INKA2: variants seen among roughly 807,000 people sequenced by gnomAD.
INKA2 encodes the protein inka box actin regulator 2, also known as PAK4-inhibitor INKA2.
INKA2 carries 3 observed loss-of-function variants against 9.8 expected under a neutral mutation model. The ratio of observed to expected loss-of-function variants is 0.31; its 90% CI spans 0.14 to 0.79. The LOEUF is 0.79. INKA2 is among the 30% of genes least tolerant of loss of function. The pLI is 0.62. For synonymous variants in INKA2, 147 were observed against 143.3 expected (o/e 1.03, Z -0.18); for missense variants, 392 against 384.4 (o/e 1.02, Z -0.17).
chr1:111,731,286 C>T (rs899353840), intron 1 of INKA2, among the ~76,000 whole-genome samples: 3 of 151,994 alleles, frequency 2.0e-5, no homozygotes, highest in Non-Finnish European at 4.4e-5. Flanking sequence ...AAGTTCAAAT[C>T]TCAGTTCTGC....
upstream of INKA2, among the ~76,000 whole-genome samples, chr1:111,742,794 A>G (rs1013801649): frequency 1.3e-5 from 2 of 152,280 alleles, no homozygotes; most frequent in African/African-American, 4.8e-5. Flanking sequence ...CTGAGGTGGT[A>G]TCACTGTGTG....
chr1:111,743,234 A>G (rs1255102275), upstream of INKA2, among the ~76,000 whole-genome samples: 4 of 152,144 alleles, frequency 2.6e-5, no homozygotes, highest in Non-Finnish European at 5.9e-5. Context: ...AGGTTATCTC[A>G]TTCGAAAATA....
intron 1 of INKA2, chr1:111,754,416 C>T (rs1216563721): frequency 6.6e-6 from 1 of 152,188 alleles, no homozygotes; most frequent in African/African-American, 2.4e-5. Flanking sequence ...TCTAGACCAT[C>T]ACTGTGTGTG....
At position 111,751,661 on chromosome 1, in the gene INKA2, T is replaced by C. The variant is rs540074114; in HGVS notation, n.124+4040A>G. 1.3e-3 allele frequency among the ~76,000 whole-genome samples: 202 copies of C among 152,342 alleles called. 4 individuals are homozygous for C. Among genetic ancestry groups the C allele is most frequent in the Non-Finnish European group, 1.1e-3 (72 of 68,026 alleles). ...CACCAACCTGGCCTACACTTCACTC[T>C]CCTGCTCATCAAAGCTTACTGTCCC... On this transcript the variant is annotated intron_variant and non_coding_transcript_variant, in intron 1 of 1. Transcript: ENST00000444059.
chr1:111,749,156 G>C (rs778364911), intron 1 of INKA2, among the ~76,000 whole-genome samples: 2 of 152,188 alleles, frequency 1.3e-5, no homozygotes, highest in Admixed American at 6.5e-5. Context: ...AGGAAACTGG[G>C]GTGGAGGGTG....
rs1379547464 is a variant in INKA2 at position 111,745,279 on chromosome 1, ATATATATATATATATTTTT to A, written n.124+10403_124+10421del. 6.9e-5 allele frequency: 3 copies of A among 43,670 alleles called. No individual in the cohort carries two copies. The Admixed American group carries it at 7.9e-4, about 11-fold the overall frequency. The allele number at this position is 43,670 out of a possible 1,614,324, so 2.7% of individuals were successfully genotyped here. A position where few individuals can be genotyped will look rare whatever the true frequency, so the allele number is the denominator to read the frequency against. ...ACACAGAGATATTATATATATATAT[ATATATATATATATATTTTT>A]TTTTTTTTTTTTTTTTGAGACAGGG... On this transcript the variant is annotated intron_variant and non_coding_transcript_variant, in intron 1 of 1. Transcript: ENST00000444059.
intron 1 of INKA2, among the ~76,000 whole-genome samples, chr1:111,748,422 A>G (rs1277403464): frequency 6.6e-6 from 1 of 152,218 alleles, no homozygotes; most frequent in Admixed American, 6.5e-5. Flanking sequence ...AAGTATGCAA[A>G]GGCCCTTTGA....
chr1:111,738,783 C>G lies in INKA2; in HGVS notation c.57+403G>C, dbSNP rs561616236. ...CCGCGCTCCAGGTCGCCCCGCGCAG[C>G]CCCGCACCCAGGCGCCCGCGTCCCG... On this transcript the variant is annotated intron_variant, in intron 1 of 1. Coordinates refer to ENST00000357260, the MANE Select transcript of INKA2 (RefSeq NM_019099.5). 1.7e-3 allele frequency among the ~76,000 whole-genome samples: 259 copies of G among 152,278 alleles called. 1 individual carries two copies. The highest frequency in any genetic ancestry group is 6.8e-3 in the Middle Eastern group (2 of 294).
At chr1:111,751,197 G>A (rs1320411964) in intron 1 of INKA2, among the ~76,000 whole-genome samples, 1 of 152,224 alleles carries the variant, frequency 6.6e-6, no homozygotes, top group Non-Finnish European at 1.5e-5. Context: ...ATGTGCAGTT[G>A]TTCTCTCATA....
upstream of INKA2, among the ~76,000 whole-genome samples, chr1:111,743,455 C>T (rs1242621865): frequency 6.6e-6 from 1 of 152,164 alleles, no homozygotes; most frequent in Non-Finnish European, 1.5e-5. Context: ...GGGAAGGTGG[C>T]CCCCTTTGTC....
At chr1:111,743,418 T>G (rs1363964286), upstream of INKA2, among the ~76,000 whole-genome samples, 3 of 152,178 alleles carry the variant, frequency 2.0e-5, no homozygotes, top group East Asian at 5.8e-4. Flanking sequence ...CTGTCAACTC[T>G]TGGGACTTGA....
In INKA2 at chr1:111,727,642, A is replaced by G; in HGVS notation, c.220T>C (p.Cys74Arg). The G allele has an allele frequency of 6.2e-7, 1 of 1,608,874 alleles. No individual in the cohort carries two copies. The highest frequency in any genetic ancestry group is 8.5e-7 in the Non-Finnish European group (1 of 1,177,056). Residue 74 changes from cysteine to arginine, a missense_variant, in exon 2 of 2, where the codon TGC becomes CGC. Coordinates refer to ENST00000357260, the MANE Select transcript of INKA2 (RefSeq NM_019099.5). Reference protein sequence around the residue: ...PGSPEGPRTQCEHPCWEGGRG... With the variant: ...PGSPEGPRTQREHPCWEGGRG... Reference sequence around the variant, plus strand: ...CCACCCTCCCAACAAGGGTGCTCGCACTGGGTCCTGGGACCTTCAGGGCTG... The same window carrying G: ...CCACCCTCCCAACAAGGGTGCTCGCGCTGGGTCCTGGGACCTTCAGGGCTG...
At chr1:111,751,511 G>A (rs947942210) in intron 1 of INKA2, among the ~76,000 whole-genome samples, 4 of 152,222 alleles carry the variant, frequency 2.6e-5, no homozygotes, top group Non-Finnish European at 4.4e-5. Flanking sequence ...ATAGATCTGA[G>A]TTCCAATCCC....
chr1:111,736,124 G>T (rs1663003328), intron 1 of INKA2, among the ~76,000 whole-genome samples: 1 of 152,194 alleles, frequency 6.6e-6, no homozygotes, highest in South Asian at 2.1e-4. Context: ...CCCCTCTTTG[G>T]CGGCTGGAGG....
Position 111,755,751 on chromosome 1 carries a change from A to AT in INKA2, n.73dup, listed in dbSNP as rs893017418. ...CCTCTTGGGGCTTTCCTCAGGCCACATTTTTTGTGTGTCTGGGCAGTCTCT... is the reference window on the plus strand; with the variant it reads ...CCTCTTGGGGCTTTCCTCAGGCCACATTTTTTTGTGTGTCTGGGCAGTCTCT... On this transcript the variant is annotated non_coding_transcript_exon_variant, in exon 1 of 2. Coordinates refer to the INKA2 transcript ENST00000444059. 5.0e-6 allele frequency: 8 copies of AT among 1,613,734 alleles called. No homozygotes were observed. The Admixed American group carries it at 6.7e-5, about 13-fold the overall frequency.
Position 111,723,975 on chromosome 1 carries a change from A to T in INKA2, c.*2993T>A, listed in dbSNP as rs1662708046. ...ATCGTCTGAAAAGCACAAGATTGCA[A>T]GTCAGTTGGAACTGATTCAATCTCA... is the stretch of plus-strand genomic sequence containing the variant. On this transcript the variant is annotated 3_prime_UTR_variant, in exon 2 of 2. Coordinates refer to ENST00000357260, the MANE Select transcript of INKA2 (RefSeq NM_019099.5). 1 of 152,290 alleles carries T rather than the reference A, an allele frequency of 6.6e-6. No individual in the cohort carries two copies. Among genetic ancestry groups the T allele is most frequent in the African/African-American group, 2.4e-5 (1 of 41,470 alleles). The allele number at this position is 152,290 out of a possible 1,614,324, so 9.4% of individuals were successfully genotyped here. A position where few individuals can be genotyped will look rare whatever the true frequency, so the allele number is the denominator to read the frequency against.
At chr1:111,733,344 G>A (rs1289383143) in intron 1 of INKA2, among the ~76,000 whole-genome samples, 3 of 152,076 alleles carry the variant, frequency 2.0e-5, no homozygotes, top group Non-Finnish European at 4.4e-5. Flanking sequence ...TGGTCCCTGG[G>A]GTCCTGAGGC....
chr1:111,729,114 A>G (rs1211166212), intron 1 of INKA2, among the ~76,000 whole-genome samples: 1 of 152,146 alleles, frequency 6.6e-6, no homozygotes, highest in East Asian at 1.9e-4. Flanking sequence ...TCTACAGGAC[A>G]GTGAAGAAGG....
rs1321300935 is a variant in INKA2, at chr1:111,739,297, C to T, written c.-55G>A. ...GAGAGGGCCCGGGTGAAACCCCGGCCCCACTGGAAACTGCGCTCCGGGCCG... is the reference window on the plus strand; with the variant it reads ...GAGAGGGCCCGGGTGAAACCCCGGCTCCACTGGAAACTGCGCTCCGGGCCG... On this transcript the variant is annotated 5_prime_UTR_variant, in exon 1 of 2. Transcript: ENST00000357260. The T allele has an allele frequency of 5.6e-6, 9 of 1,608,924 alleles. No homozygotes were observed. In the African/African-American group the frequency reaches 1.1e-4, roughly 19 times the overall value.
Sources: allele counts gnomAD v4.1 joint callset (sites outside exome capture counted in the v4.1 genomes callset), GRCh38; gene constraint gnomAD v4.1.1; transcripts MANE v1.5; gene names NCBI Gene and HGNC (gene_info 2026-07-23, HGNC 2026-07-21).